Variants in VPS53 observed in about 807,000 individuals in gnomAD.
The protein encoded by VPS53 is vacuolar protein sorting-associated protein 53 homolog.
A neutral mutation model predicts 107.0 loss-of-function variants in VPS53; 70 were observed. That is an observed-to-expected ratio of 0.65 (90% confidence interval 0.54 to 0.80). VPS53 has a LOEUF of 0.80. Ranked by LOEUF, VPS53 falls within the 30% of genes least tolerant of loss-of-function variation. The pLI, the probability that VPS53 is intolerant of heterozygous loss-of-function variation, is 0.00. For missense variants in VPS53, 917 were observed against 1,049.4 expected (o/e 0.87, Z 1.74); for synonymous variants, 409 against 393.3 (o/e 1.04, Z -0.47).
chr17:628,055 T>C, intron 9 of VPS53, 33 bp downstream of exon 9: 1 of 1,589,160 alleles, frequency 6.3e-7, no homozygotes, highest in East Asian at 2.2e-5. Flanking sequence ...AAAATTCAAA[T>C]GTTACATCTG....
At chr17:669,255 G>GA (rs2143681416) in intron 4 of VPS53, among the ~76,000 whole-genome samples, 1 of 152,212 alleles carries the variant, frequency 6.6e-6, no homozygotes, top group East Asian at 1.9e-4. Context: ...GAAATGTGCT[G>GA]AAAGAATCAC....
At chr17:702,169 G>A (rs1237696698) in intron 2 of VPS53, among the ~76,000 whole-genome samples, 3 of 152,058 alleles carry the variant, frequency 2.0e-5, no homozygotes, top group African/African-American at 7.2e-5. Context: ...CCTGGACAAC[G>A]TGGTGAAACT....
At chr17:548,735 C>T (rs773910578) in intron 17 of VPS53, among the ~76,000 whole-genome samples, 1 of 152,276 alleles carries the variant, frequency 6.6e-6, no homozygotes, top group African/African-American at 2.4e-5. Context: ...CTCTGTCAGT[C>T]CAAGTACAGG....
rs186181611 is a variant in VPS53 at position 611,658 on chromosome 17, A to C, written c.1117-9762T>G. On this transcript the variant is annotated intron_variant, in intron 11 of 21. Transcript: ENST00000437048. ...ATTCACAGCAGTATTCATACAGTGAAAACCTGTACCGATATTCACAGCAGT... is the reference window on the plus strand; with the variant it reads ...ATTCACAGCAGTATTCATACAGTGACAACCTGTACCGATATTCACAGCAGT... Among the ~76,000 whole-genome samples the C allele has an allele frequency of 2.4e-3, 361 of 152,378 alleles. 1 individual carries two copies. Among genetic ancestry groups the C allele is most frequent in the African/African-American group, 8.4e-3 (350 of 41,600 alleles).
At chr17:700,787 T>C (rs1021112598) in intron 2 of VPS53, among the ~76,000 whole-genome samples, 1 of 152,182 alleles carries the variant, frequency 6.6e-6, no homozygotes, top group African/African-American at 2.4e-5. Context: ...TCTTCCTCTC[T>C]CCCTTAACAA....
chr17:696,850 C>T (rs889270143), intron 4 of VPS53, among the ~76,000 whole-genome samples: 5 of 140,592 alleles, frequency 3.6e-5, no homozygotes, highest in East Asian at 2.1e-4. Flanking sequence ...TGGAGTGCAG[C>T]GGTGCAATCT....
intron 4 of VPS53, among the ~76,000 whole-genome samples, chr17:695,431 C>T (rs1268042708): frequency 6.6e-6 from 1 of 152,140 alleles, no homozygotes; most frequent in Non-Finnish European, 1.5e-5. Context: ...AGTCTGTAAG[C>T]ACAGGTCCAG....
At chr17:589,043 T>A (rs1164184967) in intron 12 of VPS53, among the ~76,000 whole-genome samples, 1 of 152,038 alleles carries the variant, frequency 6.6e-6, no homozygotes, top group African/African-American at 2.4e-5. Context: ...CAGATATCTT[T>A]TTATTAATTA....
intron 15 of VPS53, among the ~76,000 whole-genome samples, chr17:558,627 CTG>C (rs1912661679): frequency 6.6e-6 from 1 of 151,476 alleles, no homozygotes; most frequent in Non-Finnish European, 1.5e-5. Flanking sequence ...GAGAGAGACT[CTG>C]TTTCAAAAAA....
intron 4 of VPS53, among the ~76,000 whole-genome samples, chr17:695,880 TA>T (rs1210806142): frequency 6.6e-6 from 1 of 152,160 alleles, no homozygotes; most frequent in Non-Finnish European, 1.5e-5. Flanking sequence ...CCAGAGCTGA[TA>T]CGGTGTCTGA....
chr17:619,147 A>G (rs1488695605), intron 11 of VPS53, among the ~76,000 whole-genome samples: 2 of 139,012 alleles, frequency 1.4e-5, no homozygotes, highest in Non-Finnish European at 3.0e-5. Context: ...ACGCCTGCTA[A>G]TATTTCCCAG....
At chr17:627,032 T>A in intron 10 of VPS53, 142 bp downstream of exon 10, 1 of 1,090,608 alleles carries the variant, frequency 9.2e-7, no homozygotes, top group South Asian at 1.9e-5. Context: ...GGGGCCACTG[T>A]GGGGTACGAG....
At chr17:595,675 T>C in intron 12 of VPS53, among the ~76,000 whole-genome samples, 1 of 133,788 alleles carries the variant, frequency 7.5e-6, no homozygotes, top group Non-Finnish European at 1.6e-5. Context: ...TGATGCACTC[T>C]AGTGCCCCCC....
chr17:669,047 G>T (rs911700917), intron 4 of VPS53, among the ~76,000 whole-genome samples: 1 of 152,064 alleles, frequency 6.6e-6, no homozygotes, highest in African/African-American at 2.4e-5. Flanking sequence ...AATTCATTTT[G>T]CAGAGTTTAA....
chr17:605,926 T>C (rs1365515794), intron 11 of VPS53, among the ~76,000 whole-genome samples: 1 of 152,128 alleles, frequency 6.6e-6, no homozygotes, highest in Non-Finnish European at 1.5e-5. Flanking sequence ...AACAGCGAAG[T>C]GATGTGATCT....
chr17:588,404 A>C (rs1967446522), intron 12 of VPS53, among the ~76,000 whole-genome samples: 1 of 152,222 alleles, frequency 6.6e-6, no homozygotes, highest in South Asian at 2.1e-4. Flanking sequence ...AAATACTGGA[A>C]GAGATAAGCC....
At chr17:588,154 A>T (rs1352066473) in intron 12 of VPS53, among the ~76,000 whole-genome samples, 1 of 152,000 alleles carries the variant, frequency 6.6e-6, no homozygotes, top group African/African-American at 2.4e-5. Flanking sequence ...TGTCTCTACT[A>T]AAAAAATACA....
chr17:597,333 A>T (rs557602098), intron 12 of VPS53, among the ~76,000 whole-genome samples: 11 of 151,782 alleles, frequency 7.2e-5, no homozygotes, highest in African/African-American at 2.7e-4. Flanking sequence ...TCCCTCCCCC[A>T]CCCCAAGAGG....
chr17:586,605 T>G (rs1273907679), intron 12 of VPS53, among the ~76,000 whole-genome samples: 1 of 152,208 alleles, frequency 6.6e-6, no homozygotes, highest in African/African-American at 2.4e-5. Context: ...CATATGTGTT[T>G]TGAATCTGGA....
Sources: allele counts gnomAD v4.1 joint callset (sites outside exome capture counted in the v4.1 genomes callset), GRCh38; gene constraint gnomAD v4.1.1; transcripts MANE v1.5; gene names NCBI Gene and HGNC (gene_info 2026-07-23, HGNC 2026-07-21).